The following MUC5AC variants were observed in gnomAD, a reference collection of about 807,000 sequenced individuals.
MUC5AC encodes mucin-5AC.
MUC5AC carries 158 observed loss-of-function variants against 169.7 expected under a neutral mutation model. The ratio of observed to expected loss-of-function variants is 0.93; its 90% CI spans 0.82 to 1.06. The LOEUF is 1.06. Among genes scored for constraint, MUC5AC ranks in the 50% least tolerant of loss-of-function variants. The pLI, the probability that MUC5AC is intolerant of heterozygous loss-of-function variation, is 0.00. For synonymous variants in MUC5AC, 1,975 were observed against 1,237.0 expected (o/e 1.60, Z -12.52); for missense variants, 4,359 against 3,089.9 (o/e 1.41, Z -9.74).
Position 1,187,510 on chromosome 11 carries a change from C to G in MUC5AC, c.9365C>G (p.Thr3122Ser). The change falls in exon 31 of 49, where the codon ACT becomes AGT. Residue 3122 changes from threonine to serine, a missense_variant. Thr to Ser is a moderately conservative substitution (Grantham distance 58). Coordinates refer to ENST00000621226, the MANE Select transcript of MUC5AC (RefSeq NM_001304359.2). The stretch of plus-strand genomic sequence containing the variant: ...GCCAGCAAAACCTCTGGTCTTGGAA[C>G]TACTCCCAGCCCTATTCCTACCACC... Reference protein sequence around the residue: ...STASKTSGLGTTPSPIPTTST... With the variant: ...STASKTSGLGSTPSPIPTTST... 1 of 743,030 alleles carries G rather than the reference C, an allele frequency of 1.3e-6. No homozygotes were observed. The highest frequency in any genetic ancestry group is 2.5e-6 in the Non-Finnish European group (1 of 407,036). The allele number at this position is 743,030 out of a possible 1,614,324, so 46.0% of individuals were successfully genotyped here.
chr11:1,177,765 G>T (rs907456937), intron 24 of MUC5AC, 132 bp downstream of exon 24: 27 of 393,766 alleles, frequency 6.9e-5, no homozygotes, highest in African/African-American at 3.3e-4. Flanking sequence ...GGTGGGAAGT[G>T]GGGGGGACGG....
In MUC5AC at chr11:1,168,645, A is replaced by G; in HGVS notation, c.1571A>G (p.Asn524Ser). 6.2e-7 allele frequency: 1 copy of G among 1,610,064 alleles called. No homozygotes were observed. The highest frequency in any genetic ancestry group is 8.5e-7 in the Non-Finnish European group (1 of 1,177,544). Residue 524 changes from asparagine to serine, a missense_variant, in exon 14 of 49, where the codon AAC (asparagine) becomes AGC (serine). Coordinates refer to ENST00000621226, the MANE Select transcript of MUC5AC (RefSeq NM_001304359.2). ...IYTQLPISAA[N>S]VTIFRPSTFF... ...CCCTTGTCCTTTGTGTCCCCAGCCA[A>G]CGTCACCATCTTCAGACCCTCAACC...
In MUC5AC at chr11:1,186,249, C is replaced by T. The variant is rs1484146478; in HGVS notation, c.8104C>T (p.Pro2702Ser). 1 of 724,504 alleles carries T rather than the reference C, an allele frequency of 1.4e-6. No individual in the cohort carries two copies. The highest frequency in any genetic ancestry group is 2.5e-6 in the Non-Finnish European group (1 of 394,308). 44.9% of individuals were successfully genotyped at this position (724,504 alleles called of 1,614,324 possible). A position where few individuals can be genotyped will look rare whatever the true frequency, so the allele number is the denominator to read the frequency against. ...CTCTGGTCCTGGAACTACTCCCAGC[C>T]CTGTTCCCACCACCAGCACAACCTC... Reference protein sequence around the residue: ...TTSGPGTTPSPVPTTSTTSAP... With the variant: ...TTSGPGTTPSSVPTTSTTSAP... Residue 2702 changes from proline to serine, a missense_variant, in exon 31 of 49, where the codon CCT (proline) becomes TCT (serine). Physicochemically the swap from Pro to Ser is moderately conservative, Grantham distance 74. Transcript: ENST00000621226.
chr11:1,175,152 TG>T lies in MUC5AC; in HGVS notation c.2348+16del. ...GGGGCTATCTGGTAAGAGCTCCCGCTGTGGACTGGGGGGTCCCTCGTGTCTC... is the reference window on the plus strand; with the variant it reads ...GGGGCTATCTGGTAAGAGCTCCCGCTTGGACTGGGGGGTCCCTCGTGTCTC... On this transcript the variant is annotated intron_variant, in intron 18 of 48. Coordinates refer to ENST00000621226, the MANE Select transcript of MUC5AC (RefSeq NM_001304359.2). 1 of 331,142 alleles carries T rather than the reference TG, an allele frequency of 3.0e-6. No homozygotes were observed. The highest frequency in any genetic ancestry group is 1.7e-4 in the South Asian group (1 of 5,966). 20.5% of individuals were successfully genotyped at this position (331,142 alleles called of 1,614,324 possible). A position where few individuals can be genotyped will look rare whatever the true frequency, so the allele number is the denominator to read the frequency against.
chr11:1,173,051 AACTT>A lies in MUC5AC; in HGVS notation c.1965+532_1965+535del, dbSNP rs1240235848. Among the ~76,000 whole-genome samples the A allele has an allele frequency of 2.5e-3, 296 of 119,850 alleles. 1 individual carries two copies. The highest frequency in any genetic ancestry group is 9.3e-3 in the African/African-American group (273 of 29,256). The allele number at this position is 119,850 out of a possible 152,430, so 78.6% of individuals were successfully genotyped here. On this transcript the variant is annotated intron_variant, in intron 16 of 48. Coordinates refer to ENST00000621226, the MANE Select transcript of MUC5AC (RefSeq NM_001304359.2). ...TCACCCATTCACTCACTCATTCACT[AACTT>A]ACTCACTCACTCACTCACCCACTAG...
In MUC5AC at chr11:1,188,359, G is replaced by C. The variant is rs1395425218; in HGVS notation, c.10214G>C (p.Ser3405Thr). 1.7e-5 allele frequency: 11 copies of C among 643,598 alleles called. No individual in the cohort carries two copies. The highest frequency in any genetic ancestry group is 1.1e-4 in the East Asian group (4 of 37,138). The allele number at this position is 643,598 out of a possible 1,614,324, so 39.9% of individuals were successfully genotyped here. The change falls in exon 31 of 49, where the codon AGC (serine) becomes ACC (threonine). Residue 3405 changes from serine (S) to threonine (T), a missense_variant. Coordinates refer to ENST00000621226, the MANE Select transcript of MUC5AC (RefSeq NM_001304359.2). ...AGCACAACCTCCACTCCACAGACCA[G>C]CATATCCTCTGCCCCTACAAGCAGC... The part of the protein sequence containing the change: ...TTSTTSTPQT[S>T]ISSAPTSSTT...
intron 15 of MUC5AC, among the ~76,000 whole-genome samples, chr11:1,169,433 A>AC (rs1860434464): frequency 1.6e-5 from 1 of 63,824 alleles, no homozygotes; most frequent in Non-Finnish European, 2.9e-5. Context: ...CACTCACCTC[A>AC]CTCACTCACC....
Position 1,164,103 on chromosome 11 carries a change from T to C in MUC5AC, c.790-3T>C, listed in dbSNP as rs1390325862. ...CTCAGACGGGCTGTGGCCTTTGTCC[T>C]AGGGCATCTGTGAGGAGCTCCTGCA... On this transcript the variant is annotated splice_region_variant and splice_polypyrimidine_tract_variant and intron_variant, in intron 7 of 48. Coordinates refer to ENST00000621226, the MANE Select transcript of MUC5AC (RefSeq NM_001304359.2). 9 of 1,612,022 alleles carry C rather than the reference T, an allele frequency of 5.6e-6. No homozygotes were observed. The highest frequency in any genetic ancestry group is 1.7e-5 in the Admixed American group (1 of 59,994).
At chr11:1,171,341 A>C (rs1860521935) in intron 15 of MUC5AC, among the ~76,000 whole-genome samples, 1 of 101,446 alleles carries the variant, frequency 9.9e-6, no homozygotes, top group Non-Finnish European at 1.9e-5. Context: ...TCACTCACGC[A>C]TTCACTCACT....
rs753124893 is a variant in MUC5AC, at chr11:1,200,589, C to T, written c.16852C>T (p.Arg5618Trp). The T allele has an allele frequency of 6.5e-6, 5 of 764,336 alleles. No homozygotes were observed. The highest frequency in any genetic ancestry group is 3.4e-5 in the Admixed American group (2 of 58,958). The allele number at this position is 764,336 out of a possible 1,614,324, so 47.3% of individuals were successfully genotyped here. The change falls in exon 49 of 49, where the codon CGG becomes TGG. Residue 5618 changes from arginine to tryptophan, a missense_variant. By Grantham distance (101) the Arg-to-Trp change is moderately radical. Transcript: ENST00000621226. ...GGAAGAGTGCGGCTGCATGGGCCGG[C>T]GGTGCCCTGCGCCGGGCGACACCCA... ...EVEECGCMGR[R>W]CPAPGDTQHS...
At position 1,200,830 on chromosome 11, in the gene MUC5AC, G is replaced by T; in HGVS notation, c.*128G>T. On this transcript the variant is annotated 3_prime_UTR_variant, in exon 49 of 49. Transcript: ENST00000621226. ...AGCTTTGAACACACTGTCCACGCCC[G>T]CTTTCTTGTGGAGGGTGTGGGCTAT... 2 of 617,262 alleles carry T rather than the reference G, an allele frequency of 3.2e-6. No individual in the cohort carries two copies. Among genetic ancestry groups the T allele is most frequent in the Non-Finnish European group, 5.8e-6 (2 of 344,028 alleles). 38.2% of individuals were successfully genotyped at this position (617,262 alleles called of 1,614,324 possible).
Position 1,187,632 on chromosome 11 carries a change from A to G in MUC5AC, c.9487A>G (p.Ser3163Gly). Residue 3163 changes from serine to glycine, a missense_variant, in exon 31 of 49, where the codon AGC becomes GGC. Ser to Gly is a moderately conservative substitution (Grantham distance 56, BLOSUM62 0). Transcript: ENST00000621226. ...GTTPSPVPTT[S>G]TIFAPRTSTT... ...CACTCCCAGCCCTGTTCCCACCACC[A>G]GCACAATCTTTGCTCCTAGAACCAG... The G allele has an allele frequency of 1.3e-6, 1 of 764,444 alleles. No homozygotes were observed. 47.4% of individuals were successfully genotyped at this position (764,444 alleles called of 1,614,324 possible).
chr11:1,159,359 C>T (rs1042711095), intron 1 of MUC5AC, among the ~76,000 whole-genome samples: 2 of 149,996 alleles, frequency 1.3e-5, no homozygotes, highest in Admixed American at 1.3e-4. Context: ...TGGTGCTGTG[C>T]GGGGCTGTGC....
chr11:1,162,566 A>C lies in MUC5AC; in HGVS notation c.508A>C (p.Ile170Leu). The part of the protein sequence containing the change: ...LLPFSQSGVL[I>L]QQSSSYTKVE... ...GCCCTTCAGCCAGTCTGGGGTCCTC[A>C]TTCAGCAGAGCAGCAGCTACACCAA... The change falls in exon 5 of 49, where the codon ATT (isoleucine) becomes CTT (leucine). Residue 170 changes from isoleucine (I) to leucine (L), a missense_variant. By Grantham distance (5) the Ile-to-Leu change is conservative. Coordinates refer to ENST00000621226, the MANE Select transcript of MUC5AC (RefSeq NM_001304359.2). 6.2e-7 allele frequency: 1 copy of C among 1,612,500 alleles called. No homozygotes were observed. The highest frequency in any genetic ancestry group is 8.5e-7 in the Non-Finnish European group (1 of 1,179,796).
chr11:1,179,365 A>G, intron 26 of MUC5AC, 117 bp downstream of exon 26: 1 of 466,716 alleles, frequency 2.1e-6, no homozygotes, highest in Admixed American at 3.5e-5. Context: ...CCAAATAAAC[A>G]GAAACACCTG....
At chr11:1,168,438 C>T (rs748272392) in intron 12 of MUC5AC, 45 bp from the exon 13 acceptor site, 1 of 1,587,612 alleles carries the variant, frequency 6.3e-7, no homozygotes, top group Admixed American at 1.7e-5. Flanking sequence ...GGCTGAGGTG[C>T]CGCAAGCCTG....
Position 1,185,807 on chromosome 11 carries a change from C to G in MUC5AC, c.7662C>G (p.Ser2554Arg). 5.4e-6 allele frequency: 4 copies of G among 746,994 alleles called. No individual in the cohort carries two copies. The highest frequency in any genetic ancestry group is 1.4e-5 in the South Asian group (1 of 72,218). 46.3% of individuals were successfully genotyped at this position (746,994 alleles called of 1,614,324 possible). The part of the protein sequence containing the change: ...PTTSTTSAPI[S>R]STTSATTTST... Reference sequence around the variant, plus strand: ...CCAGCACAACCTCTGCCCCTATAAGCAGCACAACCTCTGCCACTACAACCA... The same window carrying G: ...CCAGCACAACCTCTGCCCCTATAAGGAGCACAACCTCTGCCACTACAACCA... Residue 2554 changes from serine to arginine, a missense_variant, in exon 31 of 49, where the codon AGC becomes AGG. Coordinates refer to ENST00000621226, the MANE Select transcript of MUC5AC (RefSeq NM_001304359.2).
At chr11:1,169,212 T>C (rs1033348176) in intron 15 of MUC5AC, 186 bp downstream of exon 15, 118 of 956,798 alleles carry the variant, frequency 1.2e-4, no homozygotes, top group Non-Finnish European at 1.4e-4. Flanking sequence ...GCTTCAGGAA[T>C]GTGGGGCATC....
rs1274722873 is a variant in MUC5AC at position 1,191,952 on chromosome 11, CCT to C, written c.13808_13809del (p.Pro4603ArgfsTer23). 1 of 764,800 alleles carries C rather than the reference CCT, an allele frequency of 1.3e-6. No individual in the cohort carries two copies. The highest frequency in any genetic ancestry group is 1.7e-5 in the Admixed American group (1 of 58,978). The allele number at this position is 764,800 out of a possible 1,614,324, so 47.4% of individuals were successfully genotyped here. ...PSPVPTTSTT[P>X]VSKTSTSHLS... ...CCCCGTTCCCACCACCAGCACAACC[CCT>C]GTTTCAAAGACCAGCACAAGCCATC... On this transcript the variant is annotated frameshift_variant, in exon 31 of 49. Transcript: ENST00000621226. LOFTEE classifies it high-confidence loss of function.
Sources: allele counts gnomAD v4.1 joint callset (sites outside exome capture counted in the v4.1 genomes callset), GRCh38; gene constraint gnomAD v4.1.1; transcripts MANE v1.5; gene names NCBI Gene and HGNC (gene_info 2026-07-23, HGNC 2026-07-21).